Variants in PKD1L3 observed in about 807,000 individuals in gnomAD.
PKD1L3 encodes polycystin-1-like protein 3.
In PKD1L3, 239 loss-of-function variants were observed where a neutral mutation model predicts 184.1. That is an observed-to-expected ratio of 1.30 (90% CI 1.17 to 1.45). The LOEUF is 1.45. PKD1L3 is among the 40% of genes most tolerant of loss of function. PKD1L3 has a pLI of 0.00. For synonymous variants in PKD1L3, 996 were observed against 778.8 expected, an observed-to-expected ratio of 1.28 and a Z score of -4.64; for missense variants, 2,660 against 2,067.2, an observed-to-expected ratio of 1.29 and a Z score of -5.56.
At chr16:71,981,973 G>A (rs2040176187) in intron 7 of PKD1L3, 86 bp downstream of exon 7, 5 of 1,324,918 alleles carry the variant, frequency 3.8e-6, no homozygotes, top group African/African-American at 1.5e-5. Context: ...TATCTTTAAA[G>A]GTCTGGGGAG....
intron 15 of PKD1L3, among the ~76,000 whole-genome samples, chr16:71,963,706 C>T (rs371627411): frequency 1.3e-5 from 2 of 152,030 alleles, no homozygotes; most frequent in East Asian, 1.9e-4. Flanking sequence ...TTGTTTGAGC[C>T]CGGGAGGTCA....
intron 18 of PKD1L3, among the ~76,000 whole-genome samples, chr16:71,952,508 C>G (rs960281083): frequency 8.8e-5 from 13 of 147,876 alleles, no homozygotes; most frequent in Non-Finnish European, 1.6e-4. Flanking sequence ...CGTGAGCCAC[C>G]GTGCCCAGCT....
chr16:71,943,309 G>T (rs1392952219), intron 23 of PKD1L3, among the ~76,000 whole-genome samples: 1 of 151,950 alleles, frequency 6.6e-6, no homozygotes, highest in Admixed American at 6.6e-5. Context: ...AGCTGAGACG[G>T]GCAGATCACC....
chr16:71,968,794 C>T (rs1018124685), intron 13 of PKD1L3, among the ~76,000 whole-genome samples: 6 of 152,102 alleles, frequency 3.9e-5, no homozygotes, highest in Non-Finnish European at 7.4e-5. Flanking sequence ...CAGGGTTTCA[C>T]CATGTTGGCC....
Position 71,949,927 on chromosome 16 carries a change from C to A in PKD1L3, c.3474G>T (p.Trp1158Cys). The A allele has an allele frequency of 3.2e-6, 5 of 1,551,662 alleles. No individual in the cohort carries two copies. Among genetic ancestry groups the A allele is most frequent in the Non-Finnish European group, 4.4e-6 (5 of 1,146,998 alleles). ...GLSKWLTSVCWLLLGFTSLAS... is the reference protein window; with the variant it reads ...GLSKWLTSVCCLLLGFTSLAS... ...CCAGGCTAGTGAAACCTAAGAGGAG[C>A]CAGCAGACTGAAGTCAACCATTTGG... is the stretch of plus-strand genomic sequence containing the variant. Residue 1158 changes from tryptophan (W) to cysteine (C), a missense_variant, in exon 21 of 30, where the codon TGG (tryptophan) becomes TGT (cysteine). Coordinates refer to ENST00000620267, the MANE Select transcript of PKD1L3 (RefSeq NM_181536.2).
At position 71,981,535 on chromosome 16, in the gene PKD1L3, C is replaced by CTT. The variant is rs543488508; in HGVS notation, c.1143+522_1143+523dup. Among the ~76,000 whole-genome samples, 471 of 105,052 alleles carry CTT rather than the reference C, an allele frequency of 4.5e-3. 13 individuals are homozygous for CTT. Among genetic ancestry groups the CTT allele is most frequent in the Admixed American group, 6.7e-3 (61 of 9,120 alleles). The allele number at this position is 105,052 out of a possible 152,430, so 68.9% of individuals were successfully genotyped here. On this transcript the variant is annotated intron_variant, in intron 7 of 29. Coordinates refer to ENST00000620267, the MANE Select transcript of PKD1L3 (RefSeq NM_181536.2). ...CTTTATGCCAACACTTTCCTAAATT[C>CTT]TTTTTTTTTTTTTTTTTTTTTTTTT...
Position 71,999,699 on chromosome 16 carries a change from C to T in PKD1L3, c.280G>A (p.Asp94Asn). The part of the protein sequence containing the change: ...QNVMPLKKHQ[D>N]NKYPADVAAN... ...AGGGTCTTACCTGGGTATTTGTTGT[C>T]TTGATGCTTTTTCAATGGCATTACA... Residue 94 changes from aspartate to asparagine, a missense_variant, in exon 1 of 30, where the codon GAC becomes AAC. Asp to Asn is a conservative substitution (Grantham distance 23). Transcript: ENST00000620267. 3 of 1,547,300 alleles carry T rather than the reference C, an allele frequency of 1.9e-6. No homozygotes were observed. Among genetic ancestry groups the T allele is most frequent in the Non-Finnish European group, 2.6e-6 (3 of 1,144,342 alleles).
In PKD1L3 at chr16:71,944,073, G is replaced by A. The variant is rs1174667447; in HGVS notation, c.3816C>T (p.Thr1272=). The change falls in exon 23 of 30, where the codon ACC becomes ACT. Residue 1272 remains threonine, a synonymous_variant. Coordinates refer to ENST00000620267, the MANE Select transcript of PKD1L3 (RefSeq NM_181536.2). ...INSPTKHPER[T]LKKKKLFKLT... is the part of the protein sequence containing the mutation. ...GCTTGAAGAGTTTCTTCTTTTTCAA[G>A]GTTCTTTCTGGGTGCTTAGTTGGAC... 6.4e-7 allele frequency: 1 copy of A among 1,551,986 alleles called. No individual in the cohort carries two copies. Among genetic ancestry groups the A allele is most frequent in the Non-Finnish European group, 8.7e-7 (1 of 1,147,042 alleles).
At chr16:71,980,757 C>T (rs1446542860) in intron 7 of PKD1L3, among the ~76,000 whole-genome samples, 1 of 152,164 alleles carries the variant, frequency 6.6e-6, no homozygotes, top group Non-Finnish European at 1.5e-5. Flanking sequence ...ATTGCTTAAA[C>T]CCGGGAGGTG....
At chr16:71,973,083 C>T (rs888583480) in intron 12 of PKD1L3, among the ~76,000 whole-genome samples, 2 of 152,212 alleles carry the variant, frequency 1.3e-5, no homozygotes, top group African/African-American at 2.4e-5. Context: ...GTCAGATCCA[C>T]CCTGGACTGT....
Position 71,933,896 on chromosome 16 carries a change from C to G in PKD1L3, c.4824+19G>C, listed in dbSNP as rs370886373. 4 of 1,547,792 alleles carry G rather than the reference C, an allele frequency of 2.6e-6. No homozygotes were observed. The highest frequency in any genetic ancestry group is 2.6e-6 in the Non-Finnish European group (3 of 1,144,128). On this transcript the variant is annotated intron_variant, in intron 27 of 29. Coordinates refer to ENST00000620267, the MANE Select transcript of PKD1L3 (RefSeq NM_181536.2). ...ACCACAGCACACGGAGAAGGAGAGACAGCAACGTGGGGGCTTACGGCAATG... is the reference window on the plus strand; with the variant it reads ...ACCACAGCACACGGAGAAGGAGAGAGAGCAACGTGGGGGCTTACGGCAATG...
At chr16:71,950,578 C>A (rs2038790022) in intron 19 of PKD1L3, among the ~76,000 whole-genome samples, 1 of 152,058 alleles carries the variant, frequency 6.6e-6, no homozygotes, top group African/African-American at 2.4e-5. Context: ...GTGACCTATA[C>A]TAGTAAGTGC....
chr16:71,990,372 A>C, intron 3 of PKD1L3, 43 bp from the exon 4 acceptor site: 1 of 1,461,734 alleles, frequency 6.8e-7, no homozygotes, highest in Non-Finnish European at 9.3e-7. Flanking sequence ...TAAAAGCCTA[A>C]GACAGAAATA....
At position 71,966,068 on chromosome 16, in the gene PKD1L3, T is replaced by C. The variant is rs541996044; in HGVS notation, c.2465+1069A>G. 7.2e-5 allele frequency among the ~76,000 whole-genome samples: 11 copies of C among 152,298 alleles called. No individual in the cohort carries two copies. The South Asian group carries it at 2.1e-3, about 29-fold the overall frequency. On this transcript the variant is annotated intron_variant, in intron 15 of 29. Coordinates refer to ENST00000620267, the MANE Select transcript of PKD1L3 (RefSeq NM_181536.2). ...AAGTTATTAGGCTCTACCAGCCCAG[T>C]GGCTGGTATGTCTAGCTAGGGGGAA...
At chr16:71,996,951 ATT>A (rs35603184) in intron 2 of PKD1L3, among the ~76,000 whole-genome samples, 35,726 of 129,740 alleles carry the variant, frequency 0.28, 4,994 homozygotes, top group East Asian at 0.6. Context: ...AATTGCTTTG[ATT>A]TTTTTTTTTT....
At position 71,982,146 on chromosome 16, in the gene PKD1L3, A is replaced by C; in HGVS notation, c.1056T>G (p.Pro352=). The change falls in exon 7 of 30, where the codon CCT becomes CCG. Residue 352 remains proline (P), a synonymous_variant. Coordinates refer to ENST00000620267, the MANE Select transcript of PKD1L3 (RefSeq NM_181536.2). Reference sequence around the variant, plus strand: ...GGGAATGAAAGGGGCAGACAGTTGGAGGAACTTTGAAGCCCAGACTGTTGT... The same window carrying C: ...GGGAATGAAAGGGGCAGACAGTTGGCGGAACTTTGAAGCCCAGACTGTTGT... ...QNNNSLGFKV[P]PTVCPFHSLN... is the part of the protein sequence containing the mutation. The C allele has an allele frequency of 6.4e-7, 1 of 1,551,852 alleles. No homozygotes were observed. The highest frequency in any genetic ancestry group is 8.7e-7 in the Non-Finnish European group (1 of 1,146,938).
chr16:71,949,889 A>G lies in PKD1L3; in HGVS notation c.3512T>C (p.Phe1171Ser). The change falls in exon 21 of 30, where the codon TTT becomes TCT. Residue 1171 changes from phenylalanine to serine, a missense_variant. Transcript: ENST00000620267. ...LGFTSLASAF[F>S]TALYSLELSK... ...CAATTCCAAGCTATAAAGTGCTGTA[A>G]AAAAGGCTGAAGCCAGGCTAGTGAA... 6.4e-7 allele frequency: 1 copy of G among 1,551,686 alleles called. No individual in the cohort carries two copies. Among genetic ancestry groups the G allele is most frequent in the Non-Finnish European group, 8.7e-7 (1 of 1,146,988 alleles).
intron 15 of PKD1L3, among the ~76,000 whole-genome samples, chr16:71,966,045 G>A (rs2039490699): frequency 6.6e-6 from 1 of 151,998 alleles, no homozygotes; most frequent in Non-Finnish European, 1.5e-5. Flanking sequence ...CAGCAAGGAA[G>A]TTATTAGGCT....
At chr16:71,994,039 G>C (rs879482158) in intron 2 of PKD1L3, among the ~76,000 whole-genome samples, 4 of 152,196 alleles carry the variant, frequency 2.6e-5, no homozygotes, top group African/African-American at 4.8e-5. Flanking sequence ...CAAAGTGCTA[G>C]GATTACAGGT....
Sources: allele counts gnomAD v4.1 joint callset (sites outside exome capture counted in the v4.1 genomes callset), GRCh38; gene constraint gnomAD v4.1.1; transcripts MANE v1.5; gene names NCBI Gene and HGNC (gene_info 2026-07-23, HGNC 2026-07-21).